The following PPP1R13B variants were observed in gnomAD, a reference collection of about 807,000 sequenced individuals.
PPP1R13B encodes the protein protein phosphatase 1 regulatory subunit 13B.
Under a neutral mutation model 119.8 loss-of-function variants are expected in PPP1R13B, and 44 were observed. That is an observed-to-expected ratio of 0.37 (90% CI 0.29 to 0.47). The LOEUF (loss-of-function observed/expected upper bound fraction) is 0.47. Ranked by LOEUF, PPP1R13B falls within the 20% of genes least tolerant of loss-of-function variation. PPP1R13B has a pLI of 0.99. For missense variants in PPP1R13B, 1,227 were observed against 1,413.5 expected (o/e 0.87, Z 2.12); for synonymous variants, 542 against 561.5 (o/e 0.97, Z 0.49).
At chr14:103,737,967 G>T in intron 14 of PPP1R13B, 107 bp from the exon 15 acceptor site, 2 of 1,250,332 alleles carry the variant, frequency 1.6e-6, no homozygotes, top group Non-Finnish European at 2.2e-6. Context: ...GTTCACCTTT[G>T]TGCCATCAAG....
intron 1 of PPP1R13B, among the ~76,000 whole-genome samples, chr14:103,833,153 T>C (rs2086697238): frequency 1.3e-5 from 2 of 152,206 alleles, no homozygotes; most frequent in Admixed American, 1.3e-4. Flanking sequence ...ATTTTAACAT[T>C]AAAATAATCC....
Position 103,749,924 on chromosome 14 carries a change from T to A in PPP1R13B, c.839A>T (p.Gln280Leu). ...TTTTGAATTTTGTTCCTGGTTAAGT[T>A]GGTTACGAATCTACAAACCACAAAA... ...RLYQELQIRN[Q>L]LNQEQNSKLQ... The change falls in exon 8 of 17, where the codon CAA (glutamine) becomes CTA (leucine). Residue 280 changes from glutamine (Q) to leucine (L), a missense_variant. Physicochemically the swap from Gln to Leu is moderately radical, Grantham distance 113. Transcript: ENST00000202556. 6.2e-7 allele frequency: 1 copy of A among 1,612,866 alleles called. No homozygotes were observed. Among genetic ancestry groups the A allele is most frequent in the South Asian group, 1.1e-5 (1 of 90,612 alleles).
chr14:103,791,392 G>A (rs2085617145), intron 2 of PPP1R13B, among the ~76,000 whole-genome samples: 1 of 152,208 alleles, frequency 6.6e-6, no homozygotes. Flanking sequence ...TCAGAACTAA[G>A]TATCTGTAGA....
At chr14:103,780,798 G>A (rs1744833738) in intron 3 of PPP1R13B, among the ~76,000 whole-genome samples, 1 of 147,614 alleles carries the variant, frequency 6.8e-6, no homozygotes, top group African/African-American at 2.5e-5. Context: ...AACAGAGTGA[G>A]ACTCTGTCTC....
intron 1 of PPP1R13B, among the ~76,000 whole-genome samples, chr14:103,824,109 G>A (rs899393384): frequency 1.5e-5 from 2 of 137,854 alleles, no homozygotes; most frequent in East Asian, 2.2e-4. Context: ...GCAGTGGCGC[G>A]ATCTCGGCTC....
intron 2 of PPP1R13B, among the ~76,000 whole-genome samples, chr14:103,787,650 A>ATT (rs751638213): frequency 7.9e-5 from 9 of 113,624 alleles, no homozygotes; most frequent in East Asian, 7.8e-4. Flanking sequence ...TAATTGCTAC[A>ATT]TTTTTTTTTT....
intron 4 of PPP1R13B, among the ~76,000 whole-genome samples, chr14:103,758,009 T>G (rs991056119): frequency 2.0e-5 from 3 of 152,250 alleles, no homozygotes; most frequent in Admixed American, 6.5e-5. Flanking sequence ...TGCAAATGTG[T>G]ATTATGAGTG....
intron 2 of PPP1R13B, among the ~76,000 whole-genome samples, chr14:103,785,297 G>GCAACCTCC (rs2085433833): frequency 6.6e-6 from 1 of 152,076 alleles, no homozygotes; most frequent in Non-Finnish European, 1.5e-5. Flanking sequence ...TTGGCTCACC[G>GCAACCTCC]CAACCTCCGC....
chr14:103,759,761 T>C (rs576347702), intron 4 of PPP1R13B, among the ~76,000 whole-genome samples: 2 of 152,244 alleles, frequency 1.3e-5, no homozygotes, highest in Admixed American at 1.3e-4. Flanking sequence ...GAAAAGAGGA[T>C]AGAAGAGAAA....
chr14:103,847,619 G>C (rs1015887311), upstream of PPP1R13B: 5 of 985,516 alleles, frequency 5.1e-6, no homozygotes, highest in African/African-American at 7.0e-5. Context: ...CGCAGGCCCC[G>C]CCCCCAGCGC....
At chr14:103,764,390 T>C (rs916850270) in intron 4 of PPP1R13B, 59 of 260,328 alleles carry the variant, frequency 2.3e-4, no homozygotes, top group African/African-American at 1.2e-3. Context: ...TGTTAGCCAC[T>C]TGTCTCTCTT....
intron 1 of PPP1R13B, among the ~76,000 whole-genome samples, chr14:103,809,858 G>A (rs1164567976): frequency 6.6e-6 from 1 of 150,868 alleles, no homozygotes; most frequent in Non-Finnish European, 1.5e-5. Context: ...ACAGAGTCTC[G>A]CTCTGTCGCC....
At chr14:103,808,290 T>A (rs2086066318) in intron 1 of PPP1R13B, among the ~76,000 whole-genome samples, 1 of 151,590 alleles carries the variant, frequency 6.6e-6, no homozygotes, top group Non-Finnish European at 1.5e-5. Context: ...AACATAACTA[T>A]GTGGTATTCG....
intron 1 of PPP1R13B, among the ~76,000 whole-genome samples, chr14:103,824,417 A>G (rs1050623160): frequency 6.8e-6 from 1 of 147,996 alleles, no homozygotes; most frequent in Non-Finnish European, 1.5e-5. Context: ...ATTATTAGGC[A>G]GGGTGCTGTG....
chr14:103,772,913 C>T (rs2085104858), intron 4 of PPP1R13B, among the ~76,000 whole-genome samples: 1 of 152,088 alleles, frequency 6.6e-6, no homozygotes, highest in Non-Finnish European at 1.5e-5. Context: ...GTGATCCACC[C>T]GCCTCAGCCT....
chr14:103,844,627 G>T (rs1412225816), intron 1 of PPP1R13B, among the ~76,000 whole-genome samples: 1 of 152,098 alleles, frequency 6.6e-6, no homozygotes, highest in Admixed American at 6.6e-5. Flanking sequence ...TACTCAGGAG[G>T]CTGGGGCAGG....
intron 1 of PPP1R13B, among the ~76,000 whole-genome samples, chr14:103,816,163 CTT>C (rs752578058): frequency 2.0e-4 from 28 of 142,558 alleles, no homozygotes; most frequent in Admixed American, 2.1e-4. Context: ...ATGAAAACAA[CTT>C]TTTTTTTTTT....
At chr14:103,805,976 A>G (rs1044730796) in intron 1 of PPP1R13B, among the ~76,000 whole-genome samples, 1 of 152,240 alleles carries the variant, frequency 6.6e-6, no homozygotes. Flanking sequence ...TAAATTTACT[A>G]AAGATCACTG....
chr14:103,769,381 G>A (rs545087995), intron 4 of PPP1R13B, among the ~76,000 whole-genome samples: 1 of 151,868 alleles, frequency 6.6e-6, no homozygotes, highest in Non-Finnish European at 1.5e-5. Context: ...GTGGGCCACT[G>A]TGCTTGGCCT....
Sources: allele counts gnomAD v4.1 joint callset (sites outside exome capture counted in the v4.1 genomes callset), GRCh38; gene constraint gnomAD v4.1.1; transcripts MANE v1.5; gene names NCBI Gene and HGNC (gene_info 2026-07-23, HGNC 2026-07-21).